Variants in SMC4 observed in about 807,000 individuals in gnomAD.
SMC4 encodes the protein structural maintenance of chromosomes 4, also known as structural maintenance of chromosomes protein 4.
In SMC4, 87 loss-of-function variants were observed where a neutral mutation model predicts 145.6. The ratio of observed to expected loss-of-function variants is 0.60; its 90% CI spans 0.50 to 0.71. The LOEUF is 0.71. Among genes scored for constraint, SMC4 ranks in the 30% least tolerant of loss-of-function variants. The pLI, the probability that SMC4 is intolerant of heterozygous loss-of-function variation, is 0.00. For missense variants in SMC4, 1,447 were observed against 1,537.1 expected, an observed-to-expected ratio of 0.94 and a Z score of 0.98; for synonymous variants, 558 against 500.7, an observed-to-expected ratio of 1.11 and a Z score of -1.53.
At chr3:160,419,310 A>C in intron 11 of SMC4, 48 bp from the exon 12 acceptor site, 1 of 1,258,792 alleles carries the variant, frequency 7.9e-7, no homozygotes, top group South Asian at 1.4e-5. Context: ...ATGACTGGTC[A>C]TATTTAGAAG....
At chr3:160,421,771 T>C (rs1309811449) in intron 13 of SMC4, among the ~76,000 whole-genome samples, 1 of 152,148 alleles carries the variant, frequency 6.6e-6, no homozygotes, top group Non-Finnish European at 1.5e-5. Flanking sequence ...TTTTAAAGTA[T>C]GTAATTTGGT....
intron 12 of SMC4, 32 bp downstream of exon 12, chr3:160,419,575 CT>C (rs142795307): frequency 8.3e-3 from 10,502 of 1,270,316 alleles, no homozygotes; most frequent in South Asian, 0.012. Context: ...CATGGCTTTA[CT>C]TTTTTTTTTT....
chr3:160,432,408 A>C lies in SMC4; in HGVS notation c.3423A>C (p.Ile1141=), dbSNP rs1420758108. Residue 1141 remains isoleucine (I), a synonymous_variant, in exon 22 of 24, where the codon ATA becomes ATC. Coordinates refer to ENST00000357388, the MANE Select transcript of SMC4 (RefSeq NM_001002800.3). ...RLNEFMAGFY[I]ITNKLKENYQ... is the part of the protein sequence containing the mutation. ...ATGAATTTATGGCAGGTTTTTATAT[A>C]ATAACAAATAAATTAAAGGAAAATT... 6.2e-7 allele frequency: 1 copy of C among 1,612,786 alleles called. No individual in the cohort carries two copies. Among genetic ancestry groups the C allele is most frequent in the Non-Finnish European group, 8.5e-7 (1 of 1,179,092 alleles).
rs772703954 is a variant in SMC4, at chr3:160,430,670, A to G, written c.2867A>G (p.Asp956Gly). 9 of 1,613,780 alleles carry G rather than the reference A, an allele frequency of 5.6e-6. No individual in the cohort carries two copies. In the South Asian group the frequency reaches 7.7e-5, roughly 14 times the overall value. The change falls in exon 19 of 24, where the codon GAT becomes GGT. Residue 956 changes from aspartate to glycine, a missense_variant. Physicochemically the swap from Asp to Gly is moderately conservative, Grantham distance 94 (BLOSUM62 -1). Transcript: ENST00000357388. ...ATAAAAGATACTGAGAAAGAGGTGG[A>G]TGACCTAACAGCAGAGCTGAAAAGT... ...KEIKDTEKEV[D>G]DLTAELKSLE...
In SMC4 at chr3:160,421,489, T is replaced by C. The variant is rs549059234; in HGVS notation, c.2019+588T>C. On this transcript the variant is annotated intron_variant, in intron 13 of 23. Transcript: ENST00000357388. ...GGCCAGGTGCGGTGGCTCATGCCTG[T>C]AATCCCAGCACTTTGGGAGGCCAAG... is the stretch of plus-strand genomic sequence containing the variant. 3.3e-5 allele frequency among the ~76,000 whole-genome samples: 5 copies of C among 152,132 alleles called. No individual in the cohort carries two copies. In the South Asian group the frequency reaches 8.3e-4, roughly 25 times the overall value.
intron 13 of SMC4, 82 bp from the exon 14 acceptor site, chr3:160,423,343 C>A: frequency 4.2e-6 from 4 of 961,584 alleles, no homozygotes; most frequent in Admixed American, 2.7e-5. Context: ...GAATTTATTC[C>A]TATGGGTTTT....
chr3:160,402,567 T>G (rs1240954788), intron 3 of SMC4, 109 bp from the exon 4 acceptor site: 1 of 1,105,998 alleles, frequency 9.0e-7, no homozygotes, highest in East Asian at 2.6e-5. Flanking sequence ...TTTAAATACT[T>G]GCAGTTTTTA....
In SMC4 at chr3:160,417,526, T is replaced by C. The variant is rs942485243; in HGVS notation, c.1438-197T>C. The C allele has an allele frequency of 1.3e-5, 7 of 558,368 alleles. No homozygotes were observed. The African/African-American group carries it at 1.3e-4, about 11-fold the overall frequency. 34.6% of individuals were successfully genotyped at this position (558,368 alleles called of 1,614,324 possible). On this transcript the variant is annotated intron_variant, in intron 10 of 23. Coordinates refer to ENST00000357388, the MANE Select transcript of SMC4 (RefSeq NM_001002800.3). ...CTCACAAAGCTCTTGTGAAATCAGTTGGGAAAAGACTATGTACAGTGAATA... is the reference window on the plus strand; with the variant it reads ...CTCACAAAGCTCTTGTGAAATCAGTCGGGAAAAGACTATGTACAGTGAATA...
chr3:160,427,791 T>A (rs527690631), intron 17 of SMC4, among the ~76,000 whole-genome samples: 16 of 152,314 alleles, frequency 1.1e-4, no homozygotes, highest in African/African-American at 3.8e-4. Flanking sequence ...ACATTTTATA[T>A]TTAAGATAAA....
chr3:160,404,640 A>G, intron 5 of SMC4, 136 bp downstream of exon 5: 1 of 829,324 alleles, frequency 1.2e-6, no homozygotes, highest in Non-Finnish European at 2.1e-6. Flanking sequence ...GCTACAGTCA[A>G]GATGCGAATC....
rs555992877 is a variant in SMC4 at position 160,419,622 on chromosome 3, A to G, written c.1857+79A>G. 1.8e-4 allele frequency: 238 copies of G among 1,289,236 alleles called. 6 individuals are homozygous for G. In the South Asian group the frequency reaches 3.0e-3, roughly 16 times the overall value. The allele number at this position is 1,289,236 out of a possible 1,614,324, so 79.9% of individuals were successfully genotyped here. A position where few individuals can be genotyped will look rare whatever the true frequency, so the allele number is the denominator to read the frequency against. ...AACTTATTTTTTTGCCTTGACAACC[A>G]TATTTCAAGTGTCACTGTATATAAA... On this transcript the variant is annotated intron_variant, in intron 12 of 23. Coordinates refer to ENST00000357388, the MANE Select transcript of SMC4 (RefSeq NM_001002800.3).
At chr3:160,423,362 TTTTTTTTTGAGTTTTC>T in intron 13 of SMC4, 47 bp from the exon 14 acceptor site, 1 of 977,570 alleles carries the variant, frequency 1.0e-6, no homozygotes, top group African/African-American at 1.7e-5. Flanking sequence ...TTTTTTTGTT[TTTTTTTTTGAGTTTTC>T]TTTTTTGTTA....
Position 160,423,822 on chromosome 3 carries a change from T to G in SMC4, c.2307T>G (p.Ile769Met). 1 of 1,612,982 alleles carries G rather than the reference T, an allele frequency of 6.2e-7. No homozygotes were observed. Among genetic ancestry groups the G allele is most frequent in the Non-Finnish European group, 8.5e-7 (1 of 1,179,606 alleles). The change falls in exon 15 of 24, where the codon ATT (isoleucine) becomes ATG (methionine). Residue 769 changes from isoleucine to methionine, a missense_variant. By Grantham distance (10) the Ile-to-Met change is conservative. Coordinates refer to ENST00000357388, the MANE Select transcript of SMC4 (RefSeq NM_001002800.3). The part of the protein sequence containing the change: ...MKGRMGSSLV[I>M]EISEEEVNKM... ...GAAGAATGGGTTCCTCACTTGTTAT[T>G]GAAATCTCTGAAGAAGAGGTCAGCA...
chr3:160,412,798 G>T (rs1201138585), intron 7 of SMC4: 1 of 851,430 alleles, frequency 1.2e-6, no homozygotes, highest in East Asian at 1.1e-4. Context: ...ATTAAATTAG[G>T]CATATTAATT....
At position 160,430,630 on chromosome 3, in the gene SMC4, C is replaced by A. The variant is rs777450711; in HGVS notation, c.2827C>A (p.Arg943Ser). The A allele has an allele frequency of 6.2e-7, 1 of 1,611,914 alleles. No individual in the cohort carries two copies. The highest frequency in any genetic ancestry group is 1.3e-5 in the African/African-American group (1 of 74,802). ...NLQKAQDSVL[R>S]TEKEIKDTEK... ...TCAAAAGGCACAAGACTCTGTCTTGCGTACAGAGAAAGAAATAAAAGATAC... is the reference window on the plus strand; with the variant it reads ...TCAAAAGGCACAAGACTCTGTCTTGAGTACAGAGAAAGAAATAAAAGATAC... The change falls in exon 19 of 24, where the codon CGT becomes AGT. Residue 943 changes from arginine (R) to serine (S), a missense_variant. Transcript: ENST00000357388.
chr3:160,425,928 C>T, intron 16 of SMC4, 146 bp from the exon 17 acceptor site: 1 of 597,256 alleles, frequency 1.7e-6, no homozygotes, highest in Non-Finnish European at 2.9e-6. Flanking sequence ...TGGCCATTTT[C>T]ATTTTTTATA....
At chr3:160,429,366 C>T (rs1718130064) in intron 18 of SMC4, among the ~76,000 whole-genome samples, 1 of 152,150 alleles carries the variant, frequency 6.6e-6, no homozygotes, top group African/African-American at 2.4e-5. Context: ...TTTTTTGATA[C>T]AGAGTCTTGC....
chr3:160,412,345 TGGAAAA>T lies in SMC4; in HGVS notation c.882_887del (p.Glu294_Lys295del). ...CTGTAGTTAAACAGGGTAAAGATGG[TGGAAAA>T]GGAAAAGGATGCCTTAGAAGGAGAG... On this transcript the variant is annotated inframe_deletion, in exon 7 of 24. Transcript: ENST00000357388. The T allele has an allele frequency of 2.5e-6, 4 of 1,599,350 alleles. No individual in the cohort carries two copies. Among genetic ancestry groups the T allele is most frequent in the Non-Finnish European group, 2.6e-6 (3 of 1,167,156 alleles).
At chr3:160,411,155 A>G (rs1382368971) in intron 5 of SMC4, among the ~76,000 whole-genome samples, 3 of 152,204 alleles carry the variant, frequency 2.0e-5, no homozygotes, top group African/African-American at 7.2e-5. Flanking sequence ...AAATGCAAAT[A>G]TGTAAAGTTA....
Sources: gnomAD v4.1 joint callset for allele counts (sites outside exome capture counted in the v4.1 genomes callset) on GRCh38, gnomAD v4.1.1 for gene constraint, MANE v1.5 for transcripts, NCBI Gene and HGNC (gene_info 2026-07-23, HGNC 2026-07-21) for gene names.